The following STAT5A variants were observed in gnomAD, a reference collection of about 807,000 sequenced individuals.
STAT5A encodes epididymis secretory sperm binding protein.
STAT5A carries 26 observed loss-of-function variants against 100.2 expected under a neutral mutation model. That is an observed-to-expected ratio of 0.26 (90% CI 0.19 to 0.36). The LOEUF (loss-of-function observed/expected upper bound fraction) is 0.36. Ranked by LOEUF, STAT5A falls within the 10% of genes least tolerant of loss-of-function variation. The pLI is 1.00. For synonymous variants in STAT5A, 330 were observed against 424.3 expected (o/e 0.78, Z 2.73); for missense variants, 634 against 1,027.5 (o/e 0.62, Z 5.24).
chr17:42,309,607 G>A lies in STAT5A; in HGVS notation c.2222+123G>A, dbSNP rs1229789900. 6.2e-6 allele frequency: 6 copies of A among 964,518 alleles called. No individual in the cohort carries two copies. The South Asian group carries it at 6.7e-5, about 11-fold the overall frequency. 59.7% of individuals were successfully genotyped at this position (964,518 alleles called of 1,614,324 possible). A position where few individuals can be genotyped will look rare whatever the true frequency, so the allele number is the denominator to read the frequency against. ...GGTTAGGCCCAAGTCCAGGAGGAGT[G>A]AGATCAGCCAGGAAAACAGAGCATT... On this transcript the variant is annotated intron_variant, in intron 18 of 18. Transcript: ENST00000590949.
chr17:42,289,149 G>A (rs1448071991), intron 1 of STAT5A: 2 of 385,186 alleles, frequency 5.2e-6, no homozygotes, highest in Non-Finnish European at 9.3e-6. Flanking sequence ...GTGGGGCGAG[G>A]GGAGAGGAAG....
Position 42,295,588 on chromosome 17 carries a change from C to T in STAT5A, c.376-31C>T, listed in dbSNP as rs1463890761. ...TGTGGTCTTCTCCCATCCTCTCTTC[C>T]CCGAGTTATTTCCATTCCATCTGTC... On this transcript the variant is annotated intron_variant, in intron 4 of 18. Coordinates refer to ENST00000590949, the MANE Select transcript of STAT5A (RefSeq NM_001288718.2). 1.9e-6 allele frequency: 3 copies of T among 1,602,364 alleles called. No homozygotes were observed. The African/African-American group carries it at 4.0e-5, about 21-fold the overall frequency.
At chr17:42,289,782 G>A in intron 2 of STAT5A, 84 bp from the exon 3 acceptor site, 1 of 1,445,480 alleles carries the variant, frequency 6.9e-7, no homozygotes, top group Non-Finnish European at 9.1e-7. Context: ...TCATGAGCCT[G>A]GGGTTTCCAC....
chr17:42,310,192 T>C (rs1388491084), intron 18 of STAT5A, among the ~76,000 whole-genome samples: 1 of 152,272 alleles, frequency 6.6e-6, no homozygotes, highest in Non-Finnish European at 1.5e-5. Context: ...GTGCCTACCA[T>C]TGCAGCTGAG....
intron 4 of STAT5A, among the ~76,000 whole-genome samples, chr17:42,293,940 C>T (rs1334722331): frequency 2.0e-5 from 3 of 152,150 alleles, no homozygotes; most frequent in Non-Finnish European, 4.4e-5. Flanking sequence ...GAGGGCCAGG[C>T]GTGGTGGCTC....
intron 11 of STAT5A, 125 bp from the exon 12 acceptor site, chr17:42,305,485 A>G (rs2081019419): frequency 1.3e-6 from 1 of 742,728 alleles, no homozygotes; most frequent in Admixed American, 2.5e-5. Flanking sequence ...CTGGGCAACA[A>G]GAGTGAAACT....
Position 42,306,244 on chromosome 17 carries a change from A to C in STAT5A, c.1477A>C (p.Arg493=). 1 of 1,613,934 alleles carries C rather than the reference A, an allele frequency of 6.2e-7. No homozygotes were observed. Among genetic ancestry groups the C allele is most frequent in the Non-Finnish European group, 8.5e-7 (1 of 1,179,896 alleles). ...CCCTCTCTTGTCTCCCTCTCAGGGC[A>C]GGGTGCCATTTGCCGTGCCTGACAA... ...LWDNAFAEPG[R]VPFAVPDKVL... The change falls in exon 13 of 19, where the codon AGG becomes CGG. Residue 493 remains arginine, a synonymous_variant. Coordinates refer to ENST00000590949, the MANE Select transcript of STAT5A (RefSeq NM_001288718.2).
intron 12 of STAT5A, 128 bp downstream of exon 12, chr17:42,305,830 G>A: frequency 4.1e-6 from 4 of 969,776 alleles, no homozygotes; most frequent in Non-Finnish European, 6.0e-6. Context: ...GGTGAGGTGA[G>A]GCCAGAAGGG....
Position 42,304,192 on chromosome 17 carries a change from C to G in STAT5A, c.1170-150C>G. The G allele has an allele frequency of 1.4e-6, 1 of 710,650 alleles. No individual in the cohort carries two copies. Among genetic ancestry groups the G allele is most frequent in the Non-Finnish European group, 2.3e-6 (1 of 429,028 alleles). 44.0% of individuals were successfully genotyped at this position (710,650 alleles called of 1,614,324 possible). A position where few individuals can be genotyped will look rare whatever the true frequency, so the allele number is the denominator to read the frequency against. On this transcript the variant is annotated intron_variant, in intron 9 of 18. Transcript: ENST00000590949. This position sits in a 1 kb window ranked among gnomAD's most constrained non-coding sequence, Gnocchi z 4.8. ...CAGGTTGATGGAGAAGTCAGTAACCCAGAAAGACGCCAAGAAACACTCTTA... is the reference window on the plus strand; with the variant it reads ...CAGGTTGATGGAGAAGTCAGTAACCGAGAAAGACGCCAAGAAACACTCTTA...
chr17:42,302,304 T>C (rs2080988159), intron 9 of STAT5A, among the ~76,000 whole-genome samples: 1 of 152,150 alleles, frequency 6.6e-6, no homozygotes. Context: ...CAGCAGATGC[T>C]GGGAAATGCC....
Position 42,307,726 on chromosome 17 carries a change from G to A in STAT5A, c.1906+3G>A. On this transcript the variant is annotated splice_donor_region_variant and intron_variant, in intron 15 of 18. Transcript: ENST00000590949. ...CATCGCCTGGAAGTTTGACTCCCGTGAGTGCCCGTTTTGCCCACACTCCAG... is the reference window on the plus strand; with the variant it reads ...CATCGCCTGGAAGTTTGACTCCCGTAAGTGCCCGTTTTGCCCACACTCCAG... 6.2e-7 allele frequency: 1 copy of A among 1,613,598 alleles called. No individual in the cohort carries two copies. Among genetic ancestry groups the A allele is most frequent in the Non-Finnish European group, 8.5e-7 (1 of 1,179,694 alleles).
At chr17:42,291,925 G>T in intron 3 of STAT5A, 47 bp from the exon 4 acceptor site, 1 of 1,603,420 alleles carries the variant, frequency 6.2e-7, no homozygotes, top group Non-Finnish European at 8.5e-7. Flanking sequence ...GGGCTGGCAT[G>T]GCTGGAGCAG....
Position 42,310,876 on chromosome 17 carries a change from G to A in STAT5A, c.*207G>A. 1 of 820,186 alleles carries A rather than the reference G, an allele frequency of 1.2e-6. No individual in the cohort carries two copies. The highest frequency in any genetic ancestry group is 1.9e-6 in the Non-Finnish European group (1 of 539,286). The allele number at this position is 820,186 out of a possible 1,614,324, so 50.8% of individuals were successfully genotyped here. A position where few individuals can be genotyped will look rare whatever the true frequency, so the allele number is the denominator to read the frequency against. On this transcript the variant is annotated 3_prime_UTR_variant, in exon 19 of 19. Transcript: ENST00000590949. ...CTGCAGCAGCGGTGGCCTCTTTTCAGATCATGGCATCCAAGAGTGCGCCGA... is the reference window on the plus strand; with the variant it reads ...CTGCAGCAGCGGTGGCCTCTTTTCAAATCATGGCATCCAAGAGTGCGCCGA...
chr17:42,301,177 C>T, intron 8 of STAT5A, 98 bp from the exon 9 acceptor site: 1 of 1,541,734 alleles, frequency 6.5e-7, no homozygotes, highest in Non-Finnish European at 8.8e-7. Context: ...ACCTCCTGAG[C>T]CCCATGGGAG....
rs563763546 is a variant in STAT5A, at chr17:42,290,542, C to A, written c.285+520C>A. Among the ~76,000 whole-genome samples, 23 of 152,224 alleles carry A rather than the reference C, an allele frequency of 1.5e-4. 1 individual carries two copies. The South Asian group carries it at 4.8e-3, about 32-fold the overall frequency. ...AAGGGGTGTGGGTAGTGATGACAGTCAAGCACTTATTGGAACTCACGTATG... is the reference window on the plus strand; with the variant it reads ...AAGGGGTGTGGGTAGTGATGACAGTAAAGCACTTATTGGAACTCACGTATG... On this transcript the variant is annotated intron_variant, in intron 3 of 18. Coordinates refer to ENST00000590949, the MANE Select transcript of STAT5A (RefSeq NM_001288718.2).
At chr17:42,309,579 T>G (rs1186254053) in intron 18 of STAT5A, 95 bp downstream of exon 18, 4 of 1,330,010 alleles carry the variant, frequency 3.0e-6, no homozygotes, top group African/African-American at 2.9e-5. Flanking sequence ...GATCCAGAGC[T>G]CTGGTTAGGC....
intron 4 of STAT5A, among the ~76,000 whole-genome samples, chr17:42,292,826 C>T (rs1296534321): frequency 6.6e-6 from 1 of 151,698 alleles, no homozygotes; most frequent in Non-Finnish European, 1.5e-5. Flanking sequence ...GACGTGGTTT[C>T]ACTATGTTGG....
chr17:42,302,564 G>A (rs1257670297), intron 9 of STAT5A, among the ~76,000 whole-genome samples: 1 of 152,218 alleles, frequency 6.6e-6, no homozygotes, highest in Admixed American at 6.5e-5. Flanking sequence ...GCCACCCACA[G>A]CGTATGCAGG....
chr17:42,302,951 T>TAA (rs34899765), intron 9 of STAT5A, among the ~76,000 whole-genome samples: 2 of 116,274 alleles, frequency 1.7e-5, no homozygotes, highest in Non-Finnish European at 1.8e-5. Context: ...AGACTCTGTT[T>TAA]AAAAAAAAAA....
Sources: gnomAD v4.1 joint callset for allele counts (sites outside exome capture counted in the v4.1 genomes callset) on GRCh38, gnomAD v4.1.1 for gene constraint, Gnocchi (gnomAD v3.1) non-coding constraint, MANE v1.5 for transcripts, NCBI Gene and HGNC (gene_info 2026-07-23, HGNC 2026-07-21) for gene names.